The following LURAP1 variants were observed in gnomAD, a reference collection of about 807,000 sequenced individuals.
The protein encoded by LURAP1 is NF-kappa-B activator C1orf190.
Under a neutral mutation model 19.0 loss-of-function variants are expected in LURAP1, and 14 were observed. The ratio of observed to expected loss-of-function variants is 0.74; its 90% CI spans 0.49 to 1.15. The LOEUF is 1.15. Ranked by LOEUF, LURAP1 falls within the 50% of genes most tolerant of loss-of-function variation. The pLI is 0.00. For synonymous variants in LURAP1, 129 were observed against 131.8 expected, an observed-to-expected ratio of 0.98 and a Z score of 0.14; for missense variants, 273 against 309.1, an observed-to-expected ratio of 0.88 and a Z score of 0.87.
intron 1 of LURAP1, among the ~76,000 whole-genome samples, chr1:46,210,779 T>G (rs1209283023): frequency 6.6e-6 from 1 of 152,042 alleles, no homozygotes; most frequent in East Asian, 1.9e-4. Context: ...TGTGGGGACC[T>G]TTTTTTATTT....
At chr1:46,206,305 G>T (rs1019425796) in intron 1 of LURAP1, among the ~76,000 whole-genome samples, 2 of 152,224 alleles carry the variant, frequency 1.3e-5, no homozygotes, top group African/African-American at 2.4e-5. Context: ...TGTGAAACCA[G>T]ATGATTGTTA....
intron 1 of LURAP1, among the ~76,000 whole-genome samples, chr1:46,206,350 C>T (rs568065914): frequency 4.6e-5 from 7 of 152,224 alleles, no homozygotes; most frequent in African/African-American, 1.4e-4. Flanking sequence ...TGATAGTCCC[C>T]GCTCTGGGAG....
intron 1 of LURAP1, among the ~76,000 whole-genome samples, chr1:46,211,274 T>A (rs1485712989): frequency 6.6e-6 from 1 of 152,154 alleles, no homozygotes; most frequent in African/African-American, 2.4e-5. Context: ...GAGGGTCTTA[T>A]GACCCACAAT....
Position 46,218,973 on chromosome 1 carries a change from C to T in LURAP1, c.199-726C>T, listed in dbSNP as rs1195084174. Among the ~76,000 whole-genome samples, 3 of 152,252 alleles carry T rather than the reference C, an allele frequency of 2.0e-5. No homozygotes were observed. In the East Asian group the frequency reaches 5.8e-4, roughly 29 times the overall value. ...ATCTTGCTATTCTTTGTTTCTATGT[C>T]TTTCTGGTGAATATGGGCAGGCTCA... On this transcript the variant is annotated intron_variant, in intron 1 of 1. Transcript: ENST00000371980.
In LURAP1 at chr1:46,219,946, A is replaced by T. The variant is rs1659182206; in HGVS notation, c.446A>T (p.Asp149Val). Reference protein sequence around the residue: ...LDSVSIGSFLDTVAPSELDEQ... With the variant: ...LDSVSIGSFLVTVAPSELDEQ... Reference sequence around the variant, plus strand: ...AGTGTCTCTATTGGCAGCTTCCTGGACACAGTGGCCCCCAGCGAGCTGGAT... The same window carrying T: ...AGTGTCTCTATTGGCAGCTTCCTGGTCACAGTGGCCCCCAGCGAGCTGGAT... The change falls in exon 2 of 2, where the codon GAC (aspartate) becomes GTC (valine). Residue 149 changes from aspartate to valine, a missense_variant. By Grantham distance (152) the Asp-to-Val change is radical. Coordinates refer to ENST00000371980, the MANE Select transcript of LURAP1 (RefSeq NM_001013615.3). The T allele has an allele frequency of 1.2e-6, 2 of 1,614,134 alleles. No homozygotes were observed. The highest frequency in any genetic ancestry group is 1.3e-5 in the African/African-American group (1 of 74,948).
chr1:46,210,939 T>A (rs1658875540), intron 1 of LURAP1, among the ~76,000 whole-genome samples: 2 of 142,742 alleles, frequency 1.4e-5, no homozygotes, highest in Admixed American at 1.5e-4. Flanking sequence ...CACACTCACC[T>A]AATTTTTTTT....
intron 1 of LURAP1, among the ~76,000 whole-genome samples, chr1:46,214,527 TGGAAATAAACACATCATGGCGG>T (rs1659003459): frequency 6.6e-6 from 1 of 151,934 alleles, no homozygotes; most frequent in Non-Finnish European, 1.5e-5. Flanking sequence ...AAACAGCACT[TGGAAATAAACACATCATGGCGG>T]GGAAAAGAAA....
Position 46,220,077 on chromosome 1 carries a change from G to C in LURAP1, c.577G>C (p.Gly193Arg). The change falls in exon 2 of 2, where the codon GGG (glycine) becomes CGG (arginine). Residue 193 changes from glycine to arginine, a missense_variant. Gly to Arg is a moderately radical substitution (Grantham distance 125). Transcript: ENST00000371980. ...GGTGGATGTGGCAGCCACCAGGCTA[G>C]GGAGCTTGAGAGCTGTGTGGAAGCC... ...TEVDVAATRL[G>R]SLRAVWKPPG... is the part of the protein sequence containing the mutation. 1 of 1,614,258 alleles carries C rather than the reference G, an allele frequency of 6.2e-7. No individual in the cohort carries two copies. The highest frequency in any genetic ancestry group is 2.2e-5 in the East Asian group (1 of 44,890).
chr1:46,210,862 C>T (rs1425814958), intron 1 of LURAP1, among the ~76,000 whole-genome samples: 1 of 151,946 alleles, frequency 6.6e-6, no homozygotes, highest in Non-Finnish European at 1.5e-5. Flanking sequence ...GCAGCCTGTA[C>T]TTCTCTGGCT....
chr1:46,217,708 T>C (rs1659109980), intron 1 of LURAP1, among the ~76,000 whole-genome samples: 2 of 152,006 alleles, frequency 1.3e-5, no homozygotes, highest in Non-Finnish European at 2.9e-5. Flanking sequence ...AATACAAAAA[T>C]TAGCCAGGCG....
Position 46,219,831 on chromosome 1 carries a change from C to T in LURAP1, c.331C>T (p.Gln111Ter). The stretch of plus-strand genomic sequence containing the variant: ...TCATTGCAGCAGCCTCACCAGCAGT[C>T]AATATAGCCTGACAGGCGGGAGCCC... ...TSHCSSLTSS[Q>*]YSLTGGSPGR... Residue 111 changes from glutamine to a stop codon, truncating the protein, a stop_gained, in exon 2 of 2, where the codon CAA (glutamine) becomes TAA (stop). Coordinates refer to ENST00000371980, the MANE Select transcript of LURAP1 (RefSeq NM_001013615.3). LOFTEE classifies it high-confidence loss of function. 1 of 1,614,188 alleles carries T rather than the reference C, an allele frequency of 6.2e-7. No homozygotes were observed. The highest frequency in any genetic ancestry group is 8.5e-7 in the Non-Finnish European group (1 of 1,180,034).
At chr1:46,212,341 C>T (rs549976770) in intron 1 of LURAP1, among the ~76,000 whole-genome samples, 9 of 150,022 alleles carry the variant, frequency 6.0e-5, no homozygotes, top group East Asian at 5.9e-4. Context: ...AGTGCAGTGG[C>T]GCGATCTCAG....
At chr1:46,210,885 C>G (rs776679490) in intron 1 of LURAP1, among the ~76,000 whole-genome samples, 1 of 152,076 alleles carries the variant, frequency 6.6e-6, no homozygotes, top group Admixed American at 6.6e-5. Flanking sequence ...ATCAATCCTC[C>G]CAGTTCAGCC....
At chr1:46,218,881 G>C (rs1158651596) in intron 1 of LURAP1, among the ~76,000 whole-genome samples, 3 of 151,974 alleles carry the variant, frequency 2.0e-5, no homozygotes, top group Non-Finnish European at 4.4e-5. Flanking sequence ...TAGGGAACCA[G>C]GTTAGCTCTC....
chr1:46,212,750 A>T (rs1658942457), intron 1 of LURAP1, among the ~76,000 whole-genome samples: 1 of 150,716 alleles, frequency 6.6e-6, no homozygotes, highest in Non-Finnish European at 1.5e-5. Context: ...CTAATTTTTT[A>T]TTTTATTTTA....
intron 1 of LURAP1, among the ~76,000 whole-genome samples, chr1:46,214,441 TAAAG>T (rs1195401858): frequency 6.6e-6 from 1 of 151,582 alleles, no homozygotes; most frequent in African/African-American, 2.4e-5. Flanking sequence ...AGCATATCCT[TAAAG>T]AGATAAAAGA....
Position 46,219,839 on chromosome 1 carries a change from C to T in LURAP1, c.339C>T (p.Ser113=). ...HCSSLTSSQY[S]LTGGSPGRSR... is the part of the protein sequence containing the mutation. ...GCAGCCTCACCAGCAGTCAATATAG[C>T]CTGACAGGCGGGAGCCCAGGCCGCT... The change falls in exon 2 of 2, where the codon AGC becomes AGT. Residue 113 remains serine (S), a synonymous_variant. Transcript: ENST00000371980. The T allele has an allele frequency of 6.2e-7, 1 of 1,614,198 alleles. No homozygotes were observed. The highest frequency in any genetic ancestry group is 1.1e-5 in the South Asian group (1 of 91,078).
intron 1 of LURAP1, among the ~76,000 whole-genome samples, chr1:46,211,777 T>A (rs1047618659): frequency 2.8e-4 from 43 of 152,186 alleles, no homozygotes; most frequent in Middle Eastern, 3.4e-3. Context: ...ATATATATAT[T>A]TTTTTGAGAC....
chr1:46,216,210 C>G (rs1474849150), intron 1 of LURAP1, among the ~76,000 whole-genome samples: 1 of 151,852 alleles, frequency 6.6e-6, no homozygotes, highest in African/African-American at 2.4e-5. Context: ...CCTCGCCCAG[C>G]TAATTTTTTG....
Sources: allele counts gnomAD v4.1 joint callset (sites outside exome capture counted in the v4.1 genomes callset), GRCh38; gene constraint gnomAD v4.1.1; transcripts MANE v1.5; gene names NCBI Gene and HGNC (gene_info 2026-07-23, HGNC 2026-07-21).